UMOD: variants seen among roughly 807,000 people sequenced by gnomAD.
UMOD encodes uromodulin.
In UMOD, 64 loss-of-function variants were observed where a neutral mutation model predicts 66.0. The observed-to-expected ratio is 0.97, with a 90% CI of 0.79 to 1.19. The LOEUF (loss-of-function observed/expected upper bound fraction) is 1.19, where lower values mean the gene tolerates loss of function less well. UMOD is among the 50% of genes most tolerant of loss of function. The pLI is 0.00. For missense variants in UMOD, 764 were observed against 850.9 expected (o/e 0.90, Z 1.27); for synonymous variants, 398 against 352.7 (o/e 1.13, Z -1.44).
Position 20,335,472 on chromosome 16 carries a change from C to T in UMOD, c.1861+10G>A. ...GAACAGGTCCCACTGCAGAAAGGAC[C>T]TGAACTTACCCAAGCTGCTAAAAGC... is the stretch of plus-strand genomic sequence containing the variant. On this transcript the variant is annotated intron_variant, in intron 10 of 10. Transcript: ENST00000396138. 1.9e-6 allele frequency: 3 copies of T among 1,614,084 alleles called. No individual in the cohort carries two copies. The highest frequency in any genetic ancestry group is 2.5e-6 in the Non-Finnish European group (3 of 1,179,966).
chr16:20,337,039 A>C (rs1964913504), intron 8 of UMOD, among the ~76,000 whole-genome samples: 1 of 152,194 alleles, frequency 6.6e-6, no homozygotes, highest in Non-Finnish European at 1.5e-5. Flanking sequence ...AGTGCTTAAA[A>C]ATGTCAGCTC....
intron 10 of UMOD, among the ~76,000 whole-genome samples, chr16:20,334,195 T>A (rs1964752366): frequency 6.6e-6 from 1 of 152,112 alleles, no homozygotes; most frequent in African/African-American, 2.4e-5. Flanking sequence ...GCCTTTGTGG[T>A]CAGAAAAAGC....
Position 20,337,391 on chromosome 16 carries a change from CG to C in UMOD, c.1639del (p.Arg547AspfsTer15). On this transcript the variant is annotated frameshift_variant, in exon 8 of 11. Transcript: ENST00000396138. LOFTEE classifies it high-confidence loss of function. ...VVENGESSQGRFSVQMFRFAG... is the reference protein window; with the variant it reads ...VVENGESSQGXFSVQMFRFAG... ...AAACCGGAACATCTGGACGGAAAATCGGCCCTGGGAGGACTCCCCATTCTCC... is the reference window on the plus strand; with the variant it reads ...AAACCGGAACATCTGGACGGAAAATCGCCCTGGGAGGACTCCCCATTCTCC... 1 of 1,614,184 alleles carries C rather than the reference CG, an allele frequency of 6.2e-7. No individual in the cohort carries two copies. The highest frequency in any genetic ancestry group is 8.5e-7 in the Non-Finnish European group (1 of 1,180,042).
At chr16:20,352,901 G>A (rs1965961023), upstream of UMOD, 4 of 441,528 alleles carry the variant, frequency 9.1e-6, no homozygotes, top group Non-Finnish European at 1.1e-5. Flanking sequence ...AATAGCTAGA[G>A]ACCCCAAATG....
intron 6 of UMOD, 22 bp downstream of exon 6, chr16:20,344,002 T>A (rs768176010): frequency 6.2e-7 from 1 of 1,612,670 alleles, no homozygotes; most frequent in South Asian, 1.1e-5. Flanking sequence ...CTAGGGGCCC[T>A]AGGGACCCTC....
intron 1 of UMOD, among the ~76,000 whole-genome samples, chr16:20,351,748 C>A (rs1965904312): frequency 6.6e-6 from 1 of 152,084 alleles, no homozygotes; most frequent in African/African-American, 2.4e-5. Context: ...TTGCCAGGTG[C>A]AGTGGCTCAT....
intron 8 of UMOD, 29 bp from the exon 9 acceptor site, chr16:20,336,756 C>T: frequency 6.2e-7 from 1 of 1,603,986 alleles, no homozygotes; most frequent in South Asian, 1.1e-5. Flanking sequence ...AGAAAAACAC[C>T]CTCCATGAAG....
At chr16:20,346,066 T>C in intron 5 of UMOD, 60 bp downstream of exon 5, 1 of 1,523,968 alleles carries the variant, frequency 6.6e-7, no homozygotes, top group South Asian at 1.1e-5. Flanking sequence ...TAGGAAGTGA[T>C]AGAGCTGAAG....
At chr16:20,346,883 GAGAA>G (rs147502738) in intron 4 of UMOD, among the ~76,000 whole-genome samples, 6,197 of 151,262 alleles carry the variant, frequency 0.041, 235 homozygotes, top group African/African-American at 0.11. Context: ...AAAAGAAAGA[GAGAA>G]AGAAAGAAAG....
Position 20,349,764 on chromosome 16 carries a change from T to C in UMOD, c.89-552A>G, listed in dbSNP as rs542788019. 184 of 1,521,340 alleles carry C rather than the reference T, an allele frequency of 1.2e-4. 6 individuals carry two copies. The South Asian group carries it at 2.1e-3, about 17-fold the overall frequency. The allele number at this position is 1,521,340 out of a possible 1,614,324, so 94.2% of individuals were successfully genotyped here. ...CTCCCTTTCTTTGCACATTTTATGT[T>C]TTCTGCTTCCCTGGCTGGTGAAATC... is the stretch of plus-strand genomic sequence containing the variant. On this transcript the variant is annotated intron_variant, in intron 2 of 10. Transcript: ENST00000396138.
chr16:20,344,036 T>C lies in UMOD; in HGVS notation c.1319A>G (p.Gln440Arg). Residue 440 changes from glutamine (Q) to arginine (R), a missense_variant, in exon 6 of 11, where the codon CAG (glutamine) becomes CGG (arginine). Coordinates refer to ENST00000396138, the MANE Select transcript of UMOD (RefSeq NM_003361.4). ...TCTCTGGCCACACCTGACCATTGGC[T>C]GTAGGGCGGTCTTCAGGCTGACTTT... Reference protein sequence around the residue: ...DMKVSLKTALQPMVSALNIRV... With the variant: ...DMKVSLKTALRPMVSALNIRV... The C allele has an allele frequency of 1.9e-6, 3 of 1,613,794 alleles. No individual in the cohort carries two copies. The highest frequency in any genetic ancestry group is 2.5e-6 in the Non-Finnish European group (3 of 1,180,018).
At chr16:20,333,486 G>T in intron 10 of UMOD, 111 bp from the exon 11 acceptor site, 4 of 1,003,294 alleles carry the variant, frequency 4.0e-6, no homozygotes, top group Non-Finnish European at 6.1e-6. Context: ...CCCTCTCTGG[G>T]CTGCTCTCCT....
chr16:20,355,652 G>A (rs181070438), upstream of UMOD, among the ~76,000 whole-genome samples: 29 of 151,882 alleles, frequency 1.9e-4, no homozygotes, highest in African/African-American at 6.3e-4. Flanking sequence ...TGCCTGCCTC[G>A]GCCTCCCAAA....
chr16:20,345,432 T>C (rs866049045), intron 5 of UMOD, among the ~76,000 whole-genome samples: 2,579 of 63,412 alleles, frequency 0.041, 32 homozygotes, highest in Non-Finnish European at 0.052. Context: ...TTCTTTCTCT[T>C]TCTTTCTTTC....
At position 20,348,600 on chromosome 16, in the gene UMOD, G is replaced by A. The variant is rs1426900885; in HGVS notation, c.701C>T (p.Thr234Met). ...GATGCCCTCGTCGCTGGACGGATGC[G>A]TGCCATTGAGCCACATGGGGGCGGC... ...NTAAPMWLNG[T>M]HPSSDEGIVS... Residue 234 changes from threonine (T) to methionine (M), a missense_variant, in exon 3 of 11, where the codon ACG (threonine) becomes ATG (methionine). Thr to Met is a moderately conservative substitution (Grantham distance 81). Coordinates refer to ENST00000396138, the MANE Select transcript of UMOD (RefSeq NM_003361.4). The A allele has an allele frequency of 1.3e-6, 2 of 1,589,994 alleles. No homozygotes were observed. The highest frequency in any genetic ancestry group is 1.7e-6 in the Non-Finnish European group (2 of 1,173,288).
At chr16:20,349,741 C>T in intron 2 of UMOD, 1 of 1,540,186 alleles carries the variant, frequency 6.5e-7, no homozygotes, top group Non-Finnish European at 8.7e-7. Flanking sequence ...TGTTGCCCCT[C>T]CCTTTCTTTG....
chr16:20,346,232 A>G lies in UMOD; in HGVS notation c.1076T>C (p.Met359Thr), dbSNP rs759775371. The G allele has an allele frequency of 1.2e-6, 2 of 1,614,140 alleles. No individual in the cohort carries two copies. Among genetic ancestry groups the G allele is most frequent in the South Asian group, 1.1e-5 (1 of 91,090 alleles). ...CGAGCACCGGCTGTCACTCAGGTAC[A>G]TGAAGACCTTGTCGAAGCCCAGACT... ...LKSLGFDKVF[M>T]YLSDSRCSGF... Residue 359 changes from methionine (M) to threonine (T), a missense_variant, in exon 5 of 11, where the codon ATG (methionine) becomes ACG (threonine). Transcript: ENST00000396138.
intron 10 of UMOD, among the ~76,000 whole-genome samples, chr16:20,334,314 T>C (rs891541448): frequency 6.6e-6 from 1 of 152,130 alleles, no homozygotes; most frequent in Non-Finnish European, 1.5e-5. Context: ...ACCTATTGAA[T>C]GAATCTAGAA....
At chr16:20,340,018 G>A (rs1357081111) in intron 7 of UMOD, among the ~76,000 whole-genome samples, 1 of 152,142 alleles carries the variant, frequency 6.6e-6, no homozygotes, top group Non-Finnish European at 1.5e-5. Context: ...TCCCCCAGGT[G>A]CTGGGCTGCC....
Sources: allele counts gnomAD v4.1 joint callset (sites outside exome capture counted in the v4.1 genomes callset), GRCh38; gene constraint gnomAD v4.1.1; transcripts MANE v1.5; gene names NCBI Gene and HGNC (gene_info 2026-07-23, HGNC 2026-07-21).